Variants in MLIP observed in about 807,000 individuals in gnomAD.
The protein encoded by MLIP is muscular LMNA-interacting protein.
A neutral mutation model predicts 84.8 loss-of-function variants in MLIP; 79 were observed. The ratio of observed to expected loss-of-function variants is 0.93; its 90% confidence interval spans 0.78 to 1.12. The LOEUF is 1.12. Among genes scored for constraint, MLIP ranks in the 50% most tolerant of loss-of-function variants. The pLI, the probability that MLIP is intolerant of heterozygous loss-of-function variation, is 0.00. For synonymous variants in MLIP, 504 were observed against 463.0 expected, an observed-to-expected ratio of 1.09 and a Z score of -1.14; for missense variants, 1,257 against 1,160.6, an observed-to-expected ratio of 1.08 and a Z score of -1.21.
intron 12 of MLIP, among the ~76,000 whole-genome samples, chr6:54,254,264 C>A (rs1409622916): frequency 6.6e-6 from 1 of 151,326 alleles, no homozygotes; most frequent in East Asian, 1.9e-4. Context: ...GTAGCTGGGA[C>A]TGCAGACGCA....
At chr6:54,076,863 G>T (rs925956396) in intron 1 of MLIP, among the ~76,000 whole-genome samples, 1 of 151,884 alleles carries the variant, frequency 6.6e-6, no homozygotes, top group African/African-American at 2.4e-5. Flanking sequence ...CCAGAGGCCA[G>T]AACTTTAAAG....
intron 1 of MLIP, among the ~76,000 whole-genome samples, chr6:54,027,375 ACACACACACACACAC>A: frequency 8.3e-3 from 1 of 120 alleles, no homozygotes; most frequent in Non-Finnish European, 0.023. Context: ...TAAAAAAAAT[ACACACACACACACAC>A]ACACACACAC....
chr6:54,083,602 G>A, intron 1 of MLIP: 1 of 1,535,962 alleles, frequency 6.5e-7, no homozygotes, highest in Non-Finnish European at 8.7e-7. Flanking sequence ...CTGGTACCTT[G>A]GATTTGAATG....
chr6:54,249,681 T>C (rs1782322774), intron 12 of MLIP, among the ~76,000 whole-genome samples: 1 of 150,996 alleles, frequency 6.6e-6, no homozygotes. Flanking sequence ...CTTGCAGTCT[T>C]TTGGGGAAAT....
At chr6:54,042,326 T>C (rs1317539086) in intron 1 of MLIP, among the ~76,000 whole-genome samples, 3 of 152,130 alleles carry the variant, frequency 2.0e-5, no homozygotes, top group African/African-American at 4.8e-5. Context: ...GCAGTTCCTA[T>C]CTGCTTTCTT....
At chr6:54,042,728 C>T (rs1764818097) in intron 1 of MLIP, among the ~76,000 whole-genome samples, 1 of 152,144 alleles carries the variant, frequency 6.6e-6, no homozygotes, top group African/African-American at 2.4e-5. Flanking sequence ...GGACAATATA[C>T]CTAATCTCTC....
Position 54,257,366 on chromosome 6 carries a change from A to T in MLIP, c.2976+5A>T, listed in dbSNP as rs769377368. 1 of 1,602,758 alleles carries T rather than the reference A, an allele frequency of 6.2e-7. No individual in the cohort carries two copies. The highest frequency in any genetic ancestry group is 1.1e-5 in the South Asian group (1 of 90,720). On this transcript the variant is annotated splice_donor_5th_base_variant and intron_variant, in intron 13 of 13. Transcript: ENST00000502396. ...GAAGCTCTTGATTCCAAAGAGGTAA[A>T]TGTAAGATAGGACTGGATATCTAAT...
rs372736132 is a variant in MLIP, at chr6:54,260,541, T to C, written c.2976+3180T>C. ...AATTATAGTTCCTTCATTGGCAGTC[T>C]AGGAAGGCCAATCAAATAAATCCAT... is the stretch of plus-strand genomic sequence containing the variant. On this transcript the variant is annotated intron_variant, in intron 13 of 13. Transcript: ENST00000502396. 1.7e-4 allele frequency among the ~76,000 whole-genome samples: 26 copies of C among 152,116 alleles called. 1 individual carries two copies. The highest frequency in any genetic ancestry group is 6.0e-4 in the African/African-American group (25 of 41,530).
At chr6:54,207,646 G>T (rs1013081022) in intron 11 of MLIP, among the ~76,000 whole-genome samples, 2 of 152,070 alleles carry the variant, frequency 1.3e-5, no homozygotes, top group Non-Finnish European at 2.9e-5. Context: ...CTATCATAAT[G>T]GTCTGAAGCA....
At chr6:54,187,801 A>G (rs1777538828) in intron 9 of MLIP, among the ~76,000 whole-genome samples, 1 of 152,116 alleles carries the variant, frequency 6.6e-6, no homozygotes, top group South Asian at 2.1e-4. Flanking sequence ...TGTATATACC[A>G]AGACCATCCT....
chr6:54,091,292 T>C (rs933050765), intron 1 of MLIP, among the ~76,000 whole-genome samples: 1 of 152,186 alleles, frequency 6.6e-6, no homozygotes, highest in Non-Finnish European at 1.5e-5. Flanking sequence ...GAGAGCACCT[T>C]CCATTCATAA....
intron 1 of MLIP, among the ~76,000 whole-genome samples, chr6:54,117,711 C>T (rs1028333841): frequency 1.3e-5 from 2 of 151,480 alleles, no homozygotes; most frequent in African/African-American, 4.8e-5. Flanking sequence ...CTTTGGGAGG[C>T]CGAGATGGGC....
upstream of MLIP, among the ~76,000 whole-genome samples, chr6:54,110,359 C>T (rs948595144): frequency 6.6e-6 from 1 of 152,012 alleles, no homozygotes; most frequent in African/African-American, 2.4e-5. Flanking sequence ...ATTCTCAAAC[C>T]ATTAGCTTTT....
intron 11 of MLIP, among the ~76,000 whole-genome samples, chr6:54,227,532 A>G (rs1488589710): frequency 1.3e-5 from 2 of 152,236 alleles, no homozygotes. Flanking sequence ...GCCAAAGCGC[A>G]TACTGGGGTA....
In MLIP at chr6:54,170,785, G is replaced by A. The variant is rs534264720; in HGVS notation, c.2544+1213G>A. 2.6e-5 allele frequency among the ~76,000 whole-genome samples: 4 copies of A among 151,630 alleles called. No homozygotes were observed. The East Asian group carries it at 5.8e-4, about 22-fold the overall frequency. ...CAAAGGAATTGCTCAATAACTAAAA[G>A]CTTTTCCTTTCCTTTCCCTTTTTCC... On this transcript the variant is annotated intron_variant, in intron 9 of 13. Coordinates refer to ENST00000502396, the MANE Select transcript of MLIP (RefSeq NM_001281747.2).
Position 54,106,411 on chromosome 6 carries a change from T to C in MLIP, c.64-15036T>C, listed in dbSNP as rs147276835. Among the ~76,000 whole-genome samples, 1,378 of 152,238 alleles carry C rather than the reference T, an allele frequency of 9.1e-3. 8 individuals carry two copies. The highest frequency in any genetic ancestry group is 0.017 in the Middle Eastern group (5 of 294). On this transcript the variant is annotated intron_variant, in intron 1 of 12. Transcript: ENST00000274897. ...CGGATGGTTCATCAGACCATCCATA[T>C]GGTGCTCATCAGAGCATCCACTCAG...
intron 1 of MLIP, chr6:54,041,007 C>T (rs1307430049): frequency 6.6e-6 from 1 of 152,026 alleles, no homozygotes; most frequent in Non-Finnish European, 1.5e-5. Flanking sequence ...ATACCCCAAA[C>T]CTCAGCATCA....
chr6:54,212,018 C>T (rs553347638), intron 11 of MLIP, among the ~76,000 whole-genome samples: 20 of 152,260 alleles, frequency 1.3e-4, no homozygotes, highest in South Asian at 8.3e-4. Flanking sequence ...CTCTGGAATT[C>T]GTCATATTCC....
chr6:54,211,388 C>T (rs140312472), intron 11 of MLIP, among the ~76,000 whole-genome samples: 127 of 152,252 alleles, frequency 8.3e-4, no homozygotes, highest in African/African-American at 2.5e-3. Flanking sequence ...GAATTGCATG[C>T]GGTTGAAGAC....
Sources: gnomAD v4.1 joint callset for allele counts (sites outside exome capture counted in the v4.1 genomes callset) on GRCh38, gnomAD v4.1.1 for gene constraint, MANE v1.5 for transcripts, NCBI Gene and HGNC (gene_info 2026-07-23, HGNC 2026-07-21) for gene names.